Variants in ZNF383 observed in about 807,000 individuals in gnomAD.
The protein encoded by ZNF383 is zinc finger protein 383.
ZNF383 carries 32 observed loss-of-function variants against 44.2 expected under a neutral mutation model. The ratio of observed to expected loss-of-function variants is 0.72; its 90% CI spans 0.55 to 0.97. The LOEUF is 0.97. Among genes scored for constraint, ZNF383 ranks in the 50% least tolerant of loss-of-function variants. The pLI is 0.00. For missense variants in ZNF383, 487 were observed against 562.5 expected, an observed-to-expected ratio of 0.87 and a Z score of 1.36; for synonymous variants, 155 against 186.2, an observed-to-expected ratio of 0.83 and a Z score of 1.36.
In ZNF383 at chr19:37,246,671, C is replaced by A. The variant is rs778392184; in HGVS notation, c.*3007C>A. 2.8e-4 allele frequency: 43 copies of A among 152,102 alleles called. No homozygotes were observed. The highest frequency in any genetic ancestry group is 5.7e-4 in the Non-Finnish European group (39 of 68,048). 9.4% of individuals were successfully genotyped at this position (152,102 alleles called of 1,614,324 possible). ...AGGCATGGTGTTGCATGCCTGTAAT[C>A]CTAGCTACTCAAGAGGCTGAGGTGG... is the stretch of plus-strand genomic sequence containing the variant. On this transcript the variant is annotated 3_prime_UTR_variant, in exon 6 of 6. Transcript: ENST00000684119.
At chr19:37,221,926 A>G (rs1972938426) in intron 1 of ZNF383, among the ~76,000 whole-genome samples, 1 of 148,314 alleles carries the variant, frequency 6.7e-6, no homozygotes, top group Non-Finnish European at 1.5e-5. Context: ...ACCGCACTCC[A>G]GCCTGGCCGA....
intron 5 of ZNF383, among the ~76,000 whole-genome samples, chr19:37,241,888 G>A (rs1220121195): frequency 1.3e-5 from 2 of 149,948 alleles, no homozygotes; most frequent in African/African-American, 4.9e-5. Context: ...CATATTGTAT[G>A]ATATACTTAT....
intron 3 of ZNF383, 59 bp downstream of exon 3, chr19:37,230,521 T>G (rs1973438199): frequency 6.9e-7 from 1 of 1,457,168 alleles, no homozygotes; most frequent in Non-Finnish European, 9.6e-7. Flanking sequence ...AAAAAAGACA[T>G]GAGCATTTGC....
rs759025634 is a variant in ZNF383 at position 37,243,268 on chromosome 19, C to T, written c.1032C>T (p.Gly344=). The change falls in exon 6 of 6, where the codon GGC becomes GGT. Residue 344 remains glycine, a synonymous_variant. Coordinates refer to ENST00000684119, the MANE Select transcript of ZNF383 (RefSeq NM_001387601.1). ...AACCCTATGAGTGCAAGGAATGTGG[C>T]AAAGCCTTTAGTAGTGGCTCAGCAC... The part of the protein sequence containing the change: ...GEKPYECKEC[G]KAFSSGSALT... The T allele has an allele frequency of 6.2e-7, 1 of 1,613,792 alleles. No homozygotes were observed. Among genetic ancestry groups the T allele is most frequent in the Admixed American group, 1.7e-5 (1 of 60,004 alleles).
chr19:37,228,801 A>G (rs916842364), intron 2 of ZNF383, among the ~76,000 whole-genome samples: 3 of 152,152 alleles, frequency 2.0e-5, no homozygotes, highest in African/African-American at 7.2e-5. Context: ...CTAATACTAG[A>G]ACTATAAAAA....
intron 1 of ZNF383, 143 bp from the exon 2 acceptor site, chr19:37,224,675 C>T (rs1188563980): frequency 6.6e-6 from 1 of 151,876 alleles, no homozygotes; most frequent in African/African-American, 2.4e-5. Context: ...ATCACAGCCT[C>T]CCGGGTAGCT....
chr19:37,241,879 A>T (rs2145540362), intron 5 of ZNF383, among the ~76,000 whole-genome samples: 1 of 150,876 alleles, frequency 6.6e-6, no homozygotes, highest in Admixed American at 6.6e-5. Flanking sequence ...CATGTTACAC[A>T]TATTGTATGA....
At chr19:37,234,263 AT>A (rs1291531637) in intron 3 of ZNF383, among the ~76,000 whole-genome samples, 2 of 152,138 alleles carry the variant, frequency 1.3e-5, no homozygotes, top group African/African-American at 4.8e-5. Flanking sequence ...TTTTCTCTAG[AT>A]TTCCCCCAAA....
chr19:37,232,976 T>G (rs1973573377), intron 3 of ZNF383, among the ~76,000 whole-genome samples: 1 of 152,158 alleles, frequency 6.6e-6, no homozygotes, highest in East Asian at 1.9e-4. Context: ...TTTAATCCTC[T>G]TGATTTCTCT....
chr19:37,238,979 G>A (rs1247775315), intron 5 of ZNF383, among the ~76,000 whole-genome samples: 4 of 152,182 alleles, frequency 2.6e-5, no homozygotes, highest in Admixed American at 2.6e-4. Context: ...GAGTGCAGTG[G>A]TGTGATCTCA....
rs1369956279 is a variant in ZNF383, at chr19:37,224,833, G to C, written c.-152G>C. On this transcript the variant is annotated 5_prime_UTR_variant, in exon 2 of 6. Transcript: ENST00000684119. Reference sequence around the variant, plus strand: ...TTTTTTTTAGACGGAGTCTCACTCTGTTGCCCAAGCTGGAGTGCAGTGGCA... The same window carrying C: ...TTTTTTTTAGACGGAGTCTCACTCTCTTGCCCAAGCTGGAGTGCAGTGGCA... The C allele has an allele frequency of 6.9e-6, 1 of 145,450 alleles. No homozygotes were observed. Among genetic ancestry groups the C allele is most frequent in the Non-Finnish European group, 1.5e-5 (1 of 67,406 alleles). The allele number at this position is 145,450 out of a possible 1,614,324, so 9.0% of individuals were successfully genotyped here. A position where few individuals can be genotyped will look rare whatever the true frequency, so the allele number is the denominator to read the frequency against.
rs1974445908 is a variant in ZNF383 at position 37,248,543 on chromosome 19, C to G, written c.*4879C>G. The G allele has an allele frequency of 6.6e-6, 1 of 151,972 alleles. No individual in the cohort carries two copies. The highest frequency in any genetic ancestry group is 1.5e-5 in the Non-Finnish European group (1 of 67,990). 9.4% of individuals were successfully genotyped at this position (151,972 alleles called of 1,614,324 possible). On this transcript the variant is annotated 3_prime_UTR_variant, in exon 6 of 6. Coordinates refer to ENST00000684119, the MANE Select transcript of ZNF383 (RefSeq NM_001387601.1). ...TTTCTTAGTGTCTGAACTCAGGAAC[C>G]AAATAGATGTGGATAGCATGGGATT...
Position 37,235,645 on chromosome 19 carries a change from T to G in ZNF383, c.106T>G (p.Leu36Val). The change falls in exon 4 of 6, where the codon TTG (leucine) becomes GTG (valine). Residue 36 changes from leucine to valine, a missense_variant. By Grantham distance (32) the Leu-to-Val change is conservative. Transcript: ENST00000684119. Reference protein sequence around the residue: ...VQRDLYRDVMLENYGNLVSMG... With the variant: ...VQRDLYRDVMVENYGNLVSMG... ...GAGGGACTTATACAGAGATGTGATGTTGGAGAACTACGGCAATCTGGTTTC... is the reference window on the plus strand; with the variant it reads ...GAGGGACTTATACAGAGATGTGATGGTGGAGAACTACGGCAATCTGGTTTC... 1.2e-6 allele frequency: 2 copies of G among 1,612,604 alleles called. No homozygotes were observed. Among genetic ancestry groups the G allele is most frequent in the Non-Finnish European group, 1.7e-6 (2 of 1,179,436 alleles).
Position 37,243,286 on chromosome 19 carries a change from C to T in ZNF383, c.1050C>T (p.Gly350=), listed in dbSNP as rs1974229171. The T allele has an allele frequency of 5.6e-6, 9 of 1,613,948 alleles. No homozygotes were observed. The highest frequency in any genetic ancestry group is 7.6e-6 in the Non-Finnish European group (9 of 1,179,994). The stretch of plus-strand genomic sequence containing the variant: ...AATGTGGCAAAGCCTTTAGTAGTGG[C>T]TCAGCACTTACTAATCATCAGAGAA... ...CKECGKAFSS[G]SALTNHQRIH... The change falls in exon 6 of 6, where the codon GGC becomes GGT. Residue 350 remains glycine (G), a synonymous_variant. Coordinates refer to ENST00000684119, the MANE Select transcript of ZNF383 (RefSeq NM_001387601.1).
At chr19:37,237,138 G>C (rs1973854450) in intron 5 of ZNF383, among the ~76,000 whole-genome samples, 1 of 152,074 alleles carries the variant, frequency 6.6e-6, no homozygotes, top group African/African-American at 2.4e-5. Flanking sequence ...GAATCTTCCA[G>C]GTGCTACAGT....
rs888486115 is a variant in ZNF383 at position 37,243,976 on chromosome 19, C to G, written c.*312C>G. 3.6e-5 allele frequency: 8 copies of G among 219,512 alleles called. No individual in the cohort carries two copies. Among genetic ancestry groups the G allele is most frequent in the Non-Finnish European group, 5.4e-5 (6 of 112,108 alleles). The allele number at this position is 219,512 out of a possible 1,614,324, so 13.6% of individuals were successfully genotyped here. On this transcript the variant is annotated 3_prime_UTR_variant, in exon 6 of 6. Transcript: ENST00000684119. The stretch of plus-strand genomic sequence containing the variant: ...CTGATCTGTGTATTTGTGTTTGCAC[C>G]AGTATCACACTGTTTGAATTGTGTG...
intron 1 of ZNF383, among the ~76,000 whole-genome samples, chr19:37,220,484 G>A (rs1972866995): frequency 6.6e-6 from 1 of 151,522 alleles, no homozygotes; most frequent in African/African-American, 2.4e-5. Context: ...GGCTGTTCTT[G>A]AACTCCTGAC....
rs1351580126 is a variant in ZNF383, at chr19:37,242,508, A to G, written c.272A>G (p.Lys91Arg). The G allele has an allele frequency of 4.3e-6, 7 of 1,610,598 alleles. No homozygotes were observed. The African/African-American group carries it at 8.0e-5, about 18-fold the overall frequency. ...TGTGAAACCAAGTTATTATCTCTAA[A>G]GAAGGAAGTTTATGAAATAGAATTA... is the stretch of plus-strand genomic sequence containing the variant. ...SMCETKLLSLKKEVYEIELCQ... is the reference protein window; with the variant it reads ...SMCETKLLSLRKEVYEIELCQ... The change falls in exon 6 of 6, where the codon AAG becomes AGG. Residue 91 changes from lysine to arginine, a missense_variant. Transcript: ENST00000684119.
At chr19:37,229,521 C>T (rs1208482035) in intron 2 of ZNF383, among the ~76,000 whole-genome samples, 1 of 143,958 alleles carries the variant, frequency 6.9e-6, no homozygotes, top group Non-Finnish European at 1.5e-5. Context: ...TGCGATGGCA[C>T]AATCTCAGCT....
Sources: allele counts gnomAD v4.1 joint callset (sites outside exome capture counted in the v4.1 genomes callset), GRCh38; gene constraint gnomAD v4.1.1; transcripts MANE v1.5; gene names NCBI Gene and HGNC (gene_info 2026-07-23, HGNC 2026-07-21).